Variants in HDAC9 observed in about 807,000 individuals in gnomAD.
HDAC9 encodes the protein histone deacetylase 9.
In HDAC9, 41 loss-of-function variants were observed where a neutral mutation model predicts 139.4. The observed-to-expected ratio is 0.29, with a 90% confidence interval of 0.23 to 0.38. The LOEUF is 0.38. Ranked by LOEUF, HDAC9 falls within the 10% of genes least tolerant of loss-of-function variation. The pLI is 1.00. For missense variants in HDAC9, 1,147 were observed against 1,297.0 expected (o/e 0.88, Z 1.78); for synonymous variants, 517 against 476.2 (o/e 1.09, Z -1.12).
chr7:18,568,609 G>T (rs564131508), intron 2 of HDAC9, among the ~76,000 whole-genome samples: 8 of 152,214 alleles, frequency 5.3e-5, no homozygotes, highest in Non-Finnish European at 7.4e-5. Flanking sequence ...GTTTTATATG[G>T]TGTTCTCCTG....
intron 12 of HDAC9, among the ~76,000 whole-genome samples, chr7:18,722,447 C>T (rs1785214783): frequency 6.6e-6 from 1 of 152,076 alleles, no homozygotes; most frequent in Non-Finnish European, 1.5e-5. Context: ...TTTTTCAGCA[C>T]TGTAAGAGAG....
At chr7:18,101,863 G>A (rs780018116) in intron 1 of HDAC9, among the ~76,000 whole-genome samples, 19 of 152,144 alleles carry the variant, frequency 1.2e-4, no homozygotes, top group Non-Finnish European at 1.9e-4. Context: ...TGTTTTTTAA[G>A]GATAGAAGCC....
chr7:18,340,808 C>G (rs1258911165), intron 1 of HDAC9, among the ~76,000 whole-genome samples: 1 of 151,474 alleles, frequency 6.6e-6, no homozygotes, highest in African/African-American at 2.4e-5. Context: ...TTACCTTCTC[C>G]TGTGCCTTTT....
At chr7:18,370,620 C>T (rs1179454977) in intron 1 of HDAC9, among the ~76,000 whole-genome samples, 1 of 152,120 alleles carries the variant, frequency 6.6e-6, no homozygotes. Flanking sequence ...TCATTGTGCT[C>T]TGTAAGGAGC....
In HDAC9 at chr7:18,608,253, A is replaced by G. The variant is rs2704285; in HGVS notation, c.664+14224A>G. ...CTCTAACTCAGTTACTTTAAAATGG[A>G]AGTGTTCTTTATGGCAAAGAAATTG... On this transcript the variant is annotated intron_variant, in intron 6 of 25. Coordinates refer to ENST00000686413, the MANE Select transcript of HDAC9 (RefSeq NM_178425.4). 2.0e-3 allele frequency among the ~76,000 whole-genome samples: 307 copies of G among 152,230 alleles called. 1 individual carries two copies. Among genetic ancestry groups the G allele is most frequent in the Admixed American group, 5.0e-3 (77 of 15,290 alleles).
chr7:18,589,105 A>G (rs1320166429), intron 3 of HDAC9, among the ~76,000 whole-genome samples: 3 of 152,266 alleles, frequency 2.0e-5, no homozygotes, highest in Non-Finnish European at 2.9e-5. Context: ...TTTCATATCT[A>G]CTAATGTCAG....
chr7:18,801,650 T>C (rs1793298085), intron 17 of HDAC9, among the ~76,000 whole-genome samples: 1 of 152,026 alleles, frequency 6.6e-6, no homozygotes, highest in Non-Finnish European at 1.5e-5. Flanking sequence ...TCGGTAAAAA[T>C]TGGGAAATTT....
intron 1 of HDAC9, among the ~76,000 whole-genome samples, chr7:18,131,125 C>T (rs539750179): frequency 6.6e-6 from 1 of 152,176 alleles, no homozygotes; most frequent in East Asian, 1.9e-4. Flanking sequence ...ACAAATTGCA[C>T]AAAGCTTCCA....
At chr7:18,135,969 T>A (rs1411866851) in intron 1 of HDAC9, among the ~76,000 whole-genome samples, 1 of 128,472 alleles carries the variant, frequency 7.8e-6, no homozygotes, top group Non-Finnish European at 1.6e-5. Context: ...CACCTGTTGT[T>A]TCCTGACTTT....
At chr7:18,789,445 A>G (rs1455835252) in intron 16 of HDAC9, among the ~76,000 whole-genome samples, 1 of 152,176 alleles carries the variant, frequency 6.6e-6, no homozygotes, top group African/African-American at 2.4e-5. Flanking sequence ...TAGTAGTTCT[A>G]TTTTTAAGAA....
chr7:18,288,084 G>C (rs1797570858), upstream of HDAC9, among the ~76,000 whole-genome samples: 1 of 152,150 alleles, frequency 6.6e-6, no homozygotes, highest in Admixed American at 6.5e-5. Context: ...GCTTTGGAAG[G>C]TTTACTGTGC....
chr7:18,732,876 C>CGTGTGTATGTGTGCGTATGTGT (rs1252644292), intron 13 of HDAC9, among the ~76,000 whole-genome samples: 3 of 86,686 alleles, frequency 3.5e-5, no homozygotes, highest in South Asian at 4.0e-4. Flanking sequence ...TGTACACACA[C>CGTGTGTATGTGTGCGTATGTGT]ACGTGTGCGT....
intron 1 of HDAC9, among the ~76,000 whole-genome samples, chr7:18,395,574 T>A (rs1353094701): frequency 1.3e-5 from 2 of 151,502 alleles, no homozygotes; most frequent in Non-Finnish European, 2.9e-5. Flanking sequence ...CCCACTCTTA[T>A]GGGAAGGAGA....
chr7:18,463,340 A>G (rs1586084909), intron 1 of HDAC9, among the ~76,000 whole-genome samples: 1 of 151,950 alleles, frequency 6.6e-6, no homozygotes, highest in Admixed American at 6.6e-5. Flanking sequence ...CAGTTTACTG[A>G]TAAAATTGTC....
intron 24 of HDAC9, among the ~76,000 whole-genome samples, chr7:18,968,493 G>A (rs187252544): frequency 9.2e-5 from 14 of 152,190 alleles, no homozygotes; most frequent in African/African-American, 3.1e-4. Context: ...TACATATATG[G>A]AACACTGTCT....
chr7:18,315,582 T>G (rs1799584540), intron 1 of HDAC9, among the ~76,000 whole-genome samples: 1 of 152,230 alleles, frequency 6.6e-6, no homozygotes, highest in Admixed American at 6.5e-5. Flanking sequence ...GATCAGAGAC[T>G]TGAAATTTAT....
At chr7:18,310,968 G>T (rs952554393) in intron 1 of HDAC9, among the ~76,000 whole-genome samples, 1 of 151,610 alleles carries the variant, frequency 6.6e-6, no homozygotes, top group African/African-American at 2.4e-5. Flanking sequence ...TATTATTGAT[G>T]GTTATTTATA....
chr7:18,922,194 G>A (rs545673393), intron 22 of HDAC9, among the ~76,000 whole-genome samples: 10 of 152,006 alleles, frequency 6.6e-5, no homozygotes, highest in Admixed American at 1.3e-4. Flanking sequence ...AAACCTGCAC[G>A]TTGTGCACAT....
chr7:18,819,870 A>G (rs1196241740), intron 17 of HDAC9, among the ~76,000 whole-genome samples: 1 of 152,246 alleles, frequency 6.6e-6, no homozygotes, highest in African/African-American at 2.4e-5. Context: ...TGAAATCCAC[A>G]GAAAGGTACT....
Sources: gnomAD v4.1 joint callset for allele counts (sites outside exome capture counted in the v4.1 genomes callset) on GRCh38, gnomAD v4.1.1 for gene constraint, MANE v1.5 for transcripts, NCBI Gene and HGNC (gene_info 2026-07-23, HGNC 2026-07-21) for gene names.